ITIH5: variants seen among roughly 807,000 people sequenced by gnomAD.
ITIH5 encodes the protein inter-alpha-trypsin inhibitor heavy chain H5.
In ITIH5, 65 loss-of-function variants were observed where a neutral mutation model predicts 77.5. The observed-to-expected ratio is 0.84, with a 90% CI of 0.69 to 1.03. ITIH5 has a LOEUF of 1.03. ITIH5 is among the 50% of genes least tolerant of loss of function. ITIH5 has a pLI of 0.00. For synonymous variants in ITIH5, 525 were observed against 494.3 expected, an observed-to-expected ratio of 1.06 and a Z score of -0.82; for missense variants, 1,208 against 1,213.1, an observed-to-expected ratio of 1.00 and a Z score of 0.06.
At chr10:7,639,621 C>G (rs1193132002) in intron 4 of ITIH5, among the ~76,000 whole-genome samples, 3 of 152,254 alleles carry the variant, frequency 2.0e-5, no homozygotes, top group Admixed American at 6.5e-5. Flanking sequence ...ACCATTTTAT[C>G]TAGATACAAA....
chr10:7,590,650 G>A (rs929062232), intron 7 of ITIH5, among the ~76,000 whole-genome samples: 1 of 152,196 alleles, frequency 6.6e-6, no homozygotes, highest in East Asian at 1.9e-4. Context: ...CCTCCTGCAC[G>A]CATCCACCAT....
At chr10:7,654,085 A>T (rs971345161) in intron 2 of ITIH5, among the ~76,000 whole-genome samples, 1 of 152,198 alleles carries the variant, frequency 6.6e-6, no homozygotes, top group African/African-American at 2.4e-5. Flanking sequence ...TCAACCCAGG[A>T]GGCAGAGGTT....
At chr10:7,577,700 T>C (rs920162254) in intron 9 of ITIH5, among the ~76,000 whole-genome samples, 2 of 152,170 alleles carry the variant, frequency 1.3e-5, no homozygotes, top group Admixed American at 1.3e-4. Flanking sequence ...TAAAATTCCC[T>C]TTCAAAAGGC....
intron 7 of ITIH5, among the ~76,000 whole-genome samples, chr10:7,613,347 T>C (rs1387709956): frequency 1.3e-5 from 2 of 151,610 alleles, no homozygotes; most frequent in East Asian, 3.8e-4. Flanking sequence ...CTCTAAAACA[T>C]CAATAAATAT....
intron 5 of ITIH5, among the ~76,000 whole-genome samples, chr10:7,629,296 C>T (rs1457664289): frequency 3.7e-5 from 3 of 82,092 alleles, no homozygotes; most frequent in East Asian, 3.4e-4. Context: ...CCTGTTGTAG[C>T]GTGTGTCCAT....
In ITIH5 at chr10:7,566,327, T is replaced by C. The variant is rs370454300; in HGVS notation, c.2230A>G (p.Ile744Val). Residue 744 changes from isoleucine (I) to valine (V), a missense_variant, in exon 13 of 14, where the codon ATC (isoleucine) becomes GTC (valine). Coordinates refer to ENST00000397146, the MANE Select transcript of ITIH5 (RefSeq NM_030569.7). Reference protein sequence around the residue: ...HKKQRTYLRTITILINKPERS... With the variant: ...HKKQRTYLRTVTILINKPERS... ...TCTGGCTTGTTGATGAGGATGGTGA[T>C]AGTGCGCAAGTAAGTGCGCTGTTTC... The C allele has an allele frequency of 1.1e-5, 17 of 1,613,784 alleles. No homozygotes were observed. Among genetic ancestry groups the C allele is most frequent in the Non-Finnish European group, 1.4e-5 (17 of 1,179,790 alleles).
chr10:7,641,960 A>G lies in ITIH5; in HGVS notation c.266T>C (p.Ile89Thr), dbSNP rs1315882856. The G allele has an allele frequency of 1.2e-6, 2 of 1,614,058 alleles. No homozygotes were observed. Among genetic ancestry groups the G allele is most frequent in the East Asian group, 2.2e-5 (1 of 44,892 alleles). Residue 89 changes from isoleucine to threonine, a missense_variant, in exon 3 of 14, where the codon ATT becomes ACT. Coordinates refer to ENST00000397146, the MANE Select transcript of ITIH5 (RefSeq NM_030569.7). ...EDQDIEFQMQ[I>T]PAAAFITNFT... ...GTTGGTGATGAAAGCTGCAGCTGGAATCTGCATCTGGAACTCAATGTCCTG... is the reference window on the plus strand; with the variant it reads ...GTTGGTGATGAAAGCTGCAGCTGGAGTCTGCATCTGGAACTCAATGTCCTG...
chr10:7,564,142 T>C (rs1363936988), intron 13 of ITIH5, among the ~76,000 whole-genome samples: 1 of 152,280 alleles, frequency 6.6e-6, no homozygotes, highest in Non-Finnish European at 1.5e-5. Flanking sequence ...CTGTGTATTC[T>C]TGCTGAGAGC....
intron 7 of ITIH5, among the ~76,000 whole-genome samples, chr10:7,590,217 C>T (rs1257147324): frequency 6.6e-6 from 1 of 152,132 alleles, no homozygotes; most frequent in East Asian, 1.9e-4. Flanking sequence ...GACACTGCAA[C>T]CTTCACCCGT....
At position 7,562,899 on chromosome 10, in the gene ITIH5, TCCC is replaced by T; in HGVS notation, c.*181_*183del. ...GGGAAATGACATTTGCACTCAGGCTTCCCGCCCCTACCCACCCCTACCCTTCGC... is the reference window on the plus strand; with the variant it reads ...GGGAAATGACATTTGCACTCAGGCTTGCCCCTACCCACCCCTACCCTTCGC... On this transcript the variant is annotated 3_prime_UTR_variant, in exon 14 of 14. Coordinates refer to ENST00000397146, the MANE Select transcript of ITIH5 (RefSeq NM_030569.7). The T allele has an allele frequency of 1.6e-6, 1 of 619,918 alleles. No homozygotes were observed. The highest frequency in any genetic ancestry group is 2.9e-6 in the Non-Finnish European group (1 of 341,622). The allele number at this position is 619,918 out of a possible 1,614,324, so 38.4% of individuals were successfully genotyped here.
At position 7,582,279 on chromosome 10, in the gene ITIH5, C is replaced by A. The variant is rs11815681; in HGVS notation, c.1109-2215G>T. ...TTGGGGCCTGTGTCTTTGATAGGAG[C>A]TGAACAAGTATTTGTTTGGTGGATG... is the stretch of plus-strand genomic sequence containing the variant. On this transcript the variant is annotated intron_variant, in intron 8 of 13. Coordinates refer to ENST00000397146, the MANE Select transcript of ITIH5 (RefSeq NM_030569.7). Among the ~76,000 whole-genome samples, 405 of 152,160 alleles carry A rather than the reference C, an allele frequency of 2.7e-3. 2 individuals carry two copies. The highest frequency in any genetic ancestry group is 9.3e-3 in the African/African-American group (388 of 41,514).
At chr10:7,589,599 C>G (rs1037031546) in intron 7 of ITIH5, among the ~76,000 whole-genome samples, 3 of 151,918 alleles carry the variant, frequency 2.0e-5, no homozygotes, top group African/African-American at 7.3e-5. Flanking sequence ...ATGGAGTGCT[C>G]CTTTCCATTC....
intron 7 of ITIH5, among the ~76,000 whole-genome samples, chr10:7,591,257 CT>C (rs1236387322): frequency 6.6e-6 from 1 of 152,170 alleles, no homozygotes; most frequent in Non-Finnish European, 1.5e-5. Context: ...AAATCCCTGT[CT>C]TTTATTTCCT....
chr10:7,565,005 C>A (rs11255192), intron 13 of ITIH5, among the ~76,000 whole-genome samples: 18,651 of 132,332 alleles, frequency 0.14, 1,652 homozygotes, highest in East Asian at 0.4. Flanking sequence ...AGACTGTATA[C>A]CTACATATAT....
At chr10:7,583,626 G>T (rs556568040) in intron 8 of ITIH5, among the ~76,000 whole-genome samples, 2 of 152,308 alleles carry the variant, frequency 1.3e-5, no homozygotes, top group Admixed American at 6.5e-5. Context: ...GAGCCACTGC[G>T]CCTGGCCTAA....
In ITIH5 at chr10:7,661,175, C is replaced by T. The variant is rs144990923; in HGVS notation, c.91-5500G>A. ...CATCCTAAAACCATCCCTCCCACCC[C>T]CATTCCGTGGAAAACTTGTCTTCCA... On this transcript the variant is annotated intron_variant, in intron 1 of 13. Coordinates refer to ENST00000397146, the MANE Select transcript of ITIH5 (RefSeq NM_030569.7). Among the ~76,000 whole-genome samples the T allele has an allele frequency of 4.9e-4, 75 of 152,310 alleles. 1 individual carries two copies. The East Asian group carries it at 0.013, about 27-fold the overall frequency.
At chr10:7,573,243 T>C (rs750836684) in intron 10 of ITIH5, 48 bp from the exon 11 acceptor site, 13 of 1,528,956 alleles carry the variant, frequency 8.5e-6, no homozygotes, top group South Asian at 7.8e-5. Context: ...TTAAAGAAGA[T>C]GAAGAGAGAG....
chr10:7,624,812 TAC>T (rs1554755319), intron 5 of ITIH5, among the ~76,000 whole-genome samples: 1 of 110,664 alleles, frequency 9.0e-6, no homozygotes, highest in Non-Finnish European at 1.8e-5. Context: ...TATATATATA[TAC>T]ACATATATAT....
chr10:7,565,070 G>GTGTATATA (rs1554746330), intron 13 of ITIH5, among the ~76,000 whole-genome samples: 2 of 135,912 alleles, frequency 1.5e-5, no homozygotes, highest in Non-Finnish European at 3.1e-5. Context: ...CACATAGACT[G>GTGTATATA]TATATATATA....
Sources: gnomAD v4.1 joint callset for allele counts (sites outside exome capture counted in the v4.1 genomes callset) on GRCh38, gnomAD v4.1.1 for gene constraint, MANE v1.5 for transcripts, NCBI Gene and HGNC (gene_info 2026-07-23, HGNC 2026-07-21) for gene names.